The following NTM variants were observed in gnomAD, a reference collection of about 807,000 sequenced individuals.
NTM encodes the protein neurotrimin, also known as IgLON family member 2.
NTM carries 13 observed loss-of-function variants against 42.1 expected under a neutral mutation model. The observed-to-expected ratio is 0.31, with a 90% confidence interval of 0.20 to 0.49. The LOEUF is 0.49. NTM is among the 20% of genes least tolerant of loss of function. The pLI, the probability that NTM is intolerant of heterozygous loss-of-function variation, is 0.99. For missense variants in NTM, 373 were observed against 452.8 expected (o/e 0.82, Z 1.60); for synonymous variants, 187 against 179.2 (o/e 1.04, Z -0.35).
chr11:131,882,194 GTCTT>G (rs1365743753), intron 1 of NTM, among the ~76,000 whole-genome samples: 2 of 152,184 alleles, frequency 1.3e-5, no homozygotes, highest in Non-Finnish European at 2.9e-5. Context: ...ATGTGTGTGT[GTCTT>G]TCTATCTATC....
In NTM at chr11:131,428,271, C is replaced by G. The variant is rs149580114; in HGVS notation, c.82+57383C>G. ...TCTTCTCTCTGCCCACCTCCTTATT[C>G]AGTGTAAGTTCACACTTCTTAGCTG... On this transcript the variant is annotated intron_variant, in intron 1 of 8. Transcript: ENST00000683400. Among the ~76,000 whole-genome samples the G allele has an allele frequency of 3.9e-3, 594 of 152,322 alleles. 7 individuals carry two copies. The highest frequency in any genetic ancestry group is 0.013 in the African/African-American group (527 of 41,566).
intron 2 of NTM, among the ~76,000 whole-genome samples, chr11:131,928,151 G>A (rs114926166): frequency 1.8e-3 from 267 of 151,908 alleles, no homozygotes; most frequent in African/African-American, 6.1e-3. Context: ...ACCAACATCG[G>A]TAGAAGCACT....
chr11:132,215,201 G>C (rs537298331), intron 4 of NTM, among the ~76,000 whole-genome samples: 4 of 152,204 alleles, frequency 2.6e-5, no homozygotes, highest in Non-Finnish European at 4.4e-5. Flanking sequence ...GTCATTCTTC[G>C]AGGGTAGATC....
intron 1 of NTM, among the ~76,000 whole-genome samples, chr11:131,669,514 G>A (rs2069721318): frequency 1.3e-5 from 2 of 152,190 alleles, no homozygotes; most frequent in African/African-American, 2.4e-5. Context: ...TTGTAGAGCT[G>A]GAAGGCATGT....
intron 1 of NTM, among the ~76,000 whole-genome samples, chr11:131,614,074 C>T (rs1461897758): frequency 6.6e-6 from 1 of 152,198 alleles, no homozygotes; most frequent in Non-Finnish European, 1.5e-5. Flanking sequence ...CACCATGGGG[C>T]GGAGATGCCC....
At chr11:131,398,244 G>A (rs568762228) in intron 1 of NTM, among the ~76,000 whole-genome samples, 4 of 152,154 alleles carry the variant, frequency 2.6e-5, no homozygotes, top group African/African-American at 9.6e-5. Flanking sequence ...GAACCGAAAG[G>A]GCTTTGGAAA....
chr11:132,060,183 C>T (rs1347556930), intron 2 of NTM, among the ~76,000 whole-genome samples: 1 of 152,218 alleles, frequency 6.6e-6, no homozygotes, highest in East Asian at 1.9e-4. Context: ...CATTATACGT[C>T]TTCCCAAAGT....
chr11:132,014,547 T>A (rs2518016), intron 2 of NTM, among the ~76,000 whole-genome samples: 1 of 151,678 alleles, frequency 6.6e-6, no homozygotes, highest in Non-Finnish European at 1.5e-5. Context: ...CTTTCTGCAT[T>A]ATTTTTTGTC....
Position 132,213,730 on chromosome 11 carries a change from C to CTTTTTT in NTM, c.526+1600_526+1605dup, listed in dbSNP as rs59685389. Among the ~76,000 whole-genome samples, 75 of 80,516 alleles carry CTTTTTT rather than the reference C, an allele frequency of 9.3e-4. 1 individual carries two copies. Among genetic ancestry groups the CTTTTTT allele is most frequent in the Non-Finnish European group, 1.3e-3 (52 of 40,470 alleles). The allele number at this position is 80,516 out of a possible 152,430, so 52.8% of individuals were successfully genotyped here. On this transcript the variant is annotated intron_variant, in intron 4 of 8. Transcript: ENST00000683400. Reference sequence around the variant, plus strand: ...CTGGGAGCTGTCCTGGGCCACCATTCTTTTTTTTTTTTTTTTTTTTTTGAG... The same window carrying CTTTTTT: ...CTGGGAGCTGTCCTGGGCCACCATTCTTTTTTTTTTTTTTTTTTTTTTTTTTTTGAG...
At chr11:131,794,195 C>T (rs1392350592) in intron 1 of NTM, among the ~76,000 whole-genome samples, 1 of 152,130 alleles carries the variant, frequency 6.6e-6, no homozygotes, top group African/African-American at 2.4e-5. Flanking sequence ...GTGTGCAGGG[C>T]CTGTCTCGCA....
intron 1 of NTM, among the ~76,000 whole-genome samples, chr11:131,389,248 C>T (rs1362357744): frequency 6.6e-6 from 1 of 152,160 alleles, no homozygotes; most frequent in Admixed American, 6.5e-5. Flanking sequence ...CTTACCTGCC[C>T]CAGGTGACAG....
rs191456825 is a variant in NTM, at chr11:131,777,827, G to A, written c.83-133737G>A. On this transcript the variant is annotated intron_variant, in intron 1 of 8. Transcript: ENST00000683400. ...GCTTCAGCATACATTTCCATAAATAGAAACACTGTAGATTTTACATTAATC... is the reference window on the plus strand; with the variant it reads ...GCTTCAGCATACATTTCCATAAATAAAAACACTGTAGATTTTACATTAATC... 4.2e-3 allele frequency among the ~76,000 whole-genome samples: 642 copies of A among 152,218 alleles called. 15 individuals are homozygous for A. The highest frequency in any genetic ancestry group is 0.04 in the Admixed American group (605 of 15,282).
chr11:132,239,774 C>T (rs948046385), intron 4 of NTM, among the ~76,000 whole-genome samples: 1 of 152,088 alleles, frequency 6.6e-6, no homozygotes, highest in Non-Finnish European at 1.5e-5. Context: ...TGTGTTTCAT[C>T]CTCTATAAGA....
chr11:131,855,676 A>G (rs530183913), intron 1 of NTM, among the ~76,000 whole-genome samples: 15 of 152,288 alleles, frequency 9.8e-5, no homozygotes, highest in African/African-American at 1.4e-4. Context: ...CATCCTAACA[A>G]TGTGTTTAAA....
intron 2 of NTM, among the ~76,000 whole-genome samples, chr11:132,102,900 C>G (rs199849784): frequency 6.6e-6 from 1 of 152,180 alleles, no homozygotes; most frequent in Non-Finnish European, 1.5e-5. Context: ...TACAGGTGCT[C>G]GCACACATCA....
Position 131,402,169 on chromosome 11 carries a change from C to T in NTM, c.82+31281C>T, listed in dbSNP as rs538754290. Among the ~76,000 whole-genome samples the T allele has an allele frequency of 9.9e-5, 15 of 151,596 alleles. 1 individual carries two copies. In the South Asian group the frequency reaches 3.1e-3, roughly 32 times the overall value. On this transcript the variant is annotated intron_variant, in intron 1 of 8. Coordinates refer to ENST00000683400, the MANE Select transcript of NTM (RefSeq NM_001352005.2). ...CAGAGCCCTAAGCATAGATTATATT[C>T]CAAAAATAATGTTATGGATGCAACA...
intron 3 of NTM, among the ~76,000 whole-genome samples, chr11:132,158,152 G>A (rs1248863182): frequency 6.6e-6 from 1 of 152,172 alleles, no homozygotes; most frequent in East Asian, 1.9e-4. Context: ...TGGCCTAAAA[G>A]GTCTTCCTTG....
chr11:131,660,680 C>A, intron 1 of NTM: 1 of 431,746 alleles, frequency 2.3e-6, no homozygotes. Flanking sequence ...GAAGCGGGGA[C>A]AGAGGGTGTG....
intron 1 of NTM, among the ~76,000 whole-genome samples, chr11:131,789,597 A>AG (rs2090374827): frequency 3.7e-5 from 3 of 81,808 alleles, no homozygotes; most frequent in Non-Finnish European, 7.2e-5. Flanking sequence ...AAGAAGAAGA[A>AG]GAAGAAGAAG....
Sources: allele counts gnomAD v4.1 joint callset (sites outside exome capture counted in the v4.1 genomes callset), GRCh38; gene constraint gnomAD v4.1.1; transcripts MANE v1.5; gene names NCBI Gene and HGNC (gene_info 2026-07-23, HGNC 2026-07-21).